Variants in BAZ2B observed in about 807,000 individuals in gnomAD.
BAZ2B encodes the protein bromodomain adjacent to zinc finger domain protein 2B.
Under a neutral mutation model 246.0 loss-of-function variants are expected in BAZ2B, and 91 were observed. The ratio of observed to expected loss-of-function variants is 0.37; its 90% CI spans 0.31 to 0.44. The LOEUF (loss-of-function observed/expected upper bound fraction) is 0.44. BAZ2B is among the 20% of genes least tolerant of loss of function. The pLI is 1.00. For missense variants in BAZ2B, 2,332 were observed against 2,533.7 expected (o/e 0.92, Z 1.71); for synonymous variants, 855 against 860.0 (o/e 0.99, Z 0.10).
chr2:159,519,670 C>CTTTTTTTT (rs1156978730), intron 2 of BAZ2B, among the ~76,000 whole-genome samples: 4 of 98,272 alleles, frequency 4.1e-5, no homozygotes, highest in African/African-American at 7.4e-5. Flanking sequence ...GACCTTTCTT[C>CTTTTTTTT]TTTTTTTTTT....
chr2:159,465,650 G>A (rs910013084), intron 3 of BAZ2B, among the ~76,000 whole-genome samples: 2 of 152,160 alleles, frequency 1.3e-5, no homozygotes, highest in Admixed American at 6.5e-5. Context: ...GAACAGGCGC[G>A]ATGGCTCATG....
At chr2:159,666,124 T>G in the BAZ2B span, among the ~76,000 whole-genome samples, 2 of 152,186 alleles carry the variant, frequency 1.3e-5, no homozygotes, top group African/African-American at 4.8e-5. Context: ...TCCCAGTCCT[T>G]TGATATATAT....
chr2:159,455,469 C>T (rs10167854), intron 3 of BAZ2B, among the ~76,000 whole-genome samples: 1 of 152,076 alleles, frequency 6.6e-6, no homozygotes, highest in Non-Finnish European at 1.5e-5. Flanking sequence ...CAGGATAGTG[C>T]TCCACTACAA....
rs10590482 is a variant in BAZ2B at position 159,335,543 on chromosome 2, C to CA, written c.5796+1398dup. ...AGCCTGGGCAACAGAGACTCTGTCT[C>CA]AAAAAAAAAAAAAAAAAAAATTATA... is the stretch of plus-strand genomic sequence containing the variant. On this transcript the variant is annotated intron_variant, in intron 33 of 36. Transcript: ENST00000392783. Among the ~76,000 whole-genome samples, 993 of 112,220 alleles carry CA rather than the reference C, an allele frequency of 8.8e-3. 15 individuals carry two copies. The highest frequency in any genetic ancestry group is 0.03 in the African/African-American group (924 of 31,170). 73.6% of individuals were successfully genotyped at this position (112,220 alleles called of 152,430 possible). A position where few individuals can be genotyped will look rare whatever the true frequency, so the allele number is the denominator to read the frequency against.
intron 10 of BAZ2B, among the ~76,000 whole-genome samples, chr2:159,430,156 T>TG (rs1220130474): frequency 6.6e-6 from 1 of 152,172 alleles, no homozygotes; most frequent in East Asian, 1.9e-4. Context: ...AGTTGGCCCT[T>TG]GAACAATATG....
In BAZ2B at chr2:159,373,052, A is replaced by G; in HGVS notation, c.4206T>C (p.Ser1402=). ...CGGATTATGAGTTCTAACCTTCACC[A>G]CTCTCCATGCCTTCTACAAAAATCC... ...CGGIFVEGME[S]GEGLEEIAKE... is the part of the protein sequence containing the mutation. Residue 1402 remains serine, a synonymous_variant, in exon 27 of 37, where the codon AGT becomes AGC. Coordinates refer to ENST00000392783, the MANE Select transcript of BAZ2B (RefSeq NM_013450.4). 1 of 1,612,928 alleles carries G rather than the reference A, an allele frequency of 6.2e-7. No individual in the cohort carries two copies. The highest frequency in any genetic ancestry group is 8.5e-7 in the Non-Finnish European group (1 of 1,179,622).
intron 33 of BAZ2B, among the ~76,000 whole-genome samples, chr2:159,333,638 G>T (rs1051773922): frequency 1.2e-4 from 18 of 151,992 alleles, no homozygotes; most frequent in African/African-American, 4.3e-4. Context: ...CATGTAACCA[G>T]AAATCATTTA....
intron 33 of BAZ2B, among the ~76,000 whole-genome samples, chr2:159,334,547 T>C (rs529882822): frequency 6.6e-6 from 1 of 152,308 alleles, no homozygotes; most frequent in South Asian, 2.1e-4. Flanking sequence ...TCTCTAAAGG[T>C]TATAAGGTGC....
intron 25 of BAZ2B, among the ~76,000 whole-genome samples, chr2:159,382,238 T>A (rs1188205328): frequency 6.6e-6 from 1 of 152,170 alleles, no homozygotes; most frequent in Admixed American, 6.5e-5. Context: ...TGTAACACAG[T>A]ATGTTAACAG....
intron 14 of BAZ2B, among the ~76,000 whole-genome samples, chr2:159,406,251 T>G (rs2065915832): frequency 6.6e-6 from 1 of 152,242 alleles, no homozygotes; most frequent in Non-Finnish European, 1.5e-5. Flanking sequence ...CGGCTTTTGT[T>G]CTTGTGCTTT....
At chr2:159,411,071 A>C (rs2066764428) in intron 14 of BAZ2B, among the ~76,000 whole-genome samples, 1 of 152,192 alleles carries the variant, frequency 6.6e-6, no homozygotes. Flanking sequence ...AGCCAGGCTG[A>C]AGCGCAGTGG....
chr2:159,415,524 ATTACC>A (rs1390048876), intron 13 of BAZ2B, among the ~76,000 whole-genome samples: 7 of 152,092 alleles, frequency 4.6e-5, no homozygotes, highest in Non-Finnish European at 1.0e-4. Flanking sequence ...ACACTGTTAT[ATTACC>A]TTATAGTCCA....
intron 3 of BAZ2B, among the ~76,000 whole-genome samples, 173 bp from the exon 4 acceptor site, chr2:159,453,974 G>T (rs542747839): frequency 1.3e-5 from 2 of 152,134 alleles, no homozygotes; most frequent in East Asian, 3.9e-4. Flanking sequence ...CTAGAAACAT[G>T]AAGACATGCT....
chr2:159,512,927 T>C (rs373858584), intron 2 of BAZ2B, among the ~76,000 whole-genome samples: 68 of 152,270 alleles, frequency 4.5e-4, no homozygotes, highest in African/African-American at 1.6e-3. Flanking sequence ...AGACAACTCC[T>C]TGTGACCTCA....
At chr2:159,693,663 T>A in the BAZ2B span, 1 of 151,950 alleles carries the variant, frequency 6.6e-6, no homozygotes, top group Admixed American at 6.6e-5. Context: ...ATTCAAGGGA[T>A]CCTCACACCT....
At chr2:159,414,317 TA>T (rs1356759248) in intron 13 of BAZ2B, among the ~76,000 whole-genome samples, 1 of 151,808 alleles carries the variant, frequency 6.6e-6, no homozygotes, top group East Asian at 1.9e-4. Context: ...TTAATAGTTA[TA>T]AAAAATATGT....
intron 2 of BAZ2B, among the ~76,000 whole-genome samples, chr2:159,507,821 T>C (rs919903205): frequency 6.6e-6 from 1 of 152,146 alleles, no homozygotes; most frequent in Non-Finnish European, 1.5e-5. Context: ...GAGATCATGT[T>C]GTTTCAAAAT....
At chr2:159,623,156 AGGGAGGAG>A in the BAZ2B span, among the ~76,000 whole-genome samples, 1 of 150,204 alleles carries the variant, frequency 6.7e-6, no homozygotes, top group Admixed American at 6.6e-5. Context: ...GGAAAGAAGG[AGGGAGGAG>A]GGAAGGAGGG....
chr2:159,687,252 T>C, the BAZ2B span, among the ~76,000 whole-genome samples: 3 of 152,050 alleles, frequency 2.0e-5, no homozygotes, highest in Admixed American at 2.0e-4. Context: ...TGGAGGAGAA[T>C]GTTTTGCTAT....
Sources: allele counts gnomAD v4.1 joint callset (sites outside exome capture counted in the v4.1 genomes callset), GRCh38; gene constraint gnomAD v4.1.1; transcripts MANE v1.5; gene names NCBI Gene and HGNC (gene_info 2026-07-23, HGNC 2026-07-21).